The following PEX7 variants were observed in gnomAD, a reference collection of about 807,000 sequenced individuals.
The protein encoded by PEX7 is PTS2 receptor.
PEX7 carries 34 observed loss-of-function variants against 47.5 expected under a neutral mutation model. The observed-to-expected ratio is 0.72, with a 90% CI of 0.54 to 0.95. The LOEUF (loss-of-function observed/expected upper bound fraction) is 0.95. Among genes scored for constraint, PEX7 ranks in the 40% least tolerant of loss-of-function variants. The probability of loss-of-function intolerance (pLI) is 0.00; values close to 1 mark genes in which losing one functional copy is unlikely to be tolerated. For synonymous variants in PEX7, 141 were observed against 148.8 expected (o/e 0.95, Z 0.38); for missense variants, 394 against 400.3 (o/e 0.98, Z 0.13).
intron 3 of PEX7, among the ~76,000 whole-genome samples, chr6:136,837,859 C>G (rs1250656968): frequency 1.3e-5 from 2 of 151,504 alleles, no homozygotes; most frequent in Non-Finnish European, 2.9e-5. Context: ...CATGTATTTT[C>G]AGTCCTTACG....
intron 3 of PEX7, among the ~76,000 whole-genome samples, chr6:136,827,992 T>C (rs546030314): frequency 5.9e-5 from 9 of 152,166 alleles, no homozygotes; most frequent in Middle Eastern, 6.8e-3. Context: ...AATATTTTTC[T>C]TTTCAGAAGT....
In PEX7 at chr6:136,822,804, G is replaced by A. The variant is rs1184848577; in HGVS notation, c.130+9G>A. ...GCACTACGGCATCGCGGGTGAGGCG[G>A]CGCCGCGCAGCTGGGGCCGGGGGGC... is the stretch of plus-strand genomic sequence containing the variant. On this transcript the variant is annotated intron_variant, in intron 1 of 9. Coordinates refer to ENST00000318471, the MANE Select transcript of PEX7 (RefSeq NM_000288.4). 3 of 1,287,004 alleles carry A rather than the reference G, an allele frequency of 2.3e-6. No individual in the cohort carries two copies. The highest frequency in any genetic ancestry group is 2.5e-5 in the South Asian group (1 of 39,624). The allele number at this position is 1,287,004 out of a possible 1,614,324, so 79.7% of individuals were successfully genotyped here. A position where few individuals can be genotyped will look rare whatever the true frequency, so the allele number is the denominator to read the frequency against.
At chr6:136,913,374 T>A (rs1204318284) in intron 9 of PEX7, 84 bp from the exon 10 acceptor site, 5 of 904,348 alleles carry the variant, frequency 5.5e-6, no homozygotes, top group Non-Finnish European at 9.3e-6. Flanking sequence ...TTTACGACAC[T>A]CTAAATGACT....
chr6:136,822,818 G>C, intron 1 of PEX7, 23 bp downstream of exon 1: 1 of 1,238,492 alleles, frequency 8.1e-7, no homozygotes, highest in South Asian at 3.2e-5. Flanking sequence ...CGCGCAGCTG[G>C]GGCCGGGGGG....
chr6:136,822,912 C>G, intron 1 of PEX7, 117 bp downstream of exon 1: 1 of 1,214,464 alleles, frequency 8.2e-7, no homozygotes, highest in Non-Finnish European at 1.0e-6. Context: ...TTCCGCGGGT[C>G]CACGCCAGGG....
intron 6 of PEX7, among the ~76,000 whole-genome samples, chr6:136,869,214 C>G (rs1232715880): frequency 6.6e-6 from 1 of 151,842 alleles, no homozygotes; most frequent in Non-Finnish European, 1.5e-5. Flanking sequence ...AGTGAACCAC[C>G]GCACCCAGCC....
intron 1 of PEX7, chr6:136,823,130 C>G (rs1159398521): frequency 1.0e-6 from 1 of 985,336 alleles, no homozygotes; most frequent in Non-Finnish European, 1.2e-6. Context: ...GGAGCCTGCG[C>G]GGTCCCTTGG....
At chr6:136,881,529 T>G (rs1490743982) in intron 8 of PEX7, among the ~76,000 whole-genome samples, 1 of 152,188 alleles carries the variant, frequency 6.6e-6, no homozygotes, top group East Asian at 1.9e-4. Context: ...CTTAAATCCA[T>G]TTCAGTGCTT....
chr6:136,836,017 CTA>C (rs1172831702), intron 3 of PEX7, among the ~76,000 whole-genome samples: 1 of 152,232 alleles, frequency 6.6e-6, no homozygotes, highest in African/African-American at 2.4e-5. Flanking sequence ...GGTGTCAACA[CTA>C]TGCATGTCTC....
At chr6:136,822,927 G>A in intron 1 of PEX7, 132 bp downstream of exon 1, 1 of 1,210,320 alleles carries the variant, frequency 8.3e-7, no homozygotes, top group Non-Finnish European at 1.0e-6. Context: ...CCAGGGGGCA[G>A]AAGAGGCGCT....
chr6:136,826,493 T>C, intron 3 of PEX7, 24 bp downstream of exon 3: 1 of 1,613,788 alleles, frequency 6.2e-7, no homozygotes, highest in Non-Finnish European at 8.5e-7. Context: ...CTTTCTGGGC[T>C]GATTATTTTT....
At chr6:136,912,808 A>G (rs1468355815) in intron 9 of PEX7, among the ~76,000 whole-genome samples, 2 of 152,216 alleles carry the variant, frequency 1.3e-5, no homozygotes, top group African/African-American at 4.8e-5. Context: ...AGACATTGCT[A>G]TATTCACTAA....
intron 3 of PEX7, among the ~76,000 whole-genome samples, chr6:136,842,221 C>G (rs1033920325): frequency 1.3e-5 from 2 of 151,410 alleles, no homozygotes; most frequent in Non-Finnish European, 2.9e-5. Context: ...TCTTGAACTC[C>G]TGGCCTCAAG....
intron 8 of PEX7, among the ~76,000 whole-genome samples, chr6:136,887,924 G>A (rs1397416993): frequency 6.6e-6 from 1 of 151,984 alleles, no homozygotes. Flanking sequence ...AGCAGAGGAT[G>A]CAGAAATACC....
At chr6:136,822,843 G>GGGGCCA in intron 1 of PEX7, 48 bp downstream of exon 1, 1 of 1,119,092 alleles carries the variant, frequency 8.9e-7, no homozygotes, top group South Asian at 3.9e-5. Context: ...GGCGGAGGCG[G>GGGGCCA]GGGCCAGCCG....
At chr6:136,894,197 G>A (rs1196769717) in intron 8 of PEX7, among the ~76,000 whole-genome samples, 2 of 152,078 alleles carry the variant, frequency 1.3e-5, no homozygotes, top group East Asian at 1.9e-4. Context: ...GGTGTCTCAT[G>A]CCTGTAATCC....
chr6:136,880,378 T>G (rs987746867), intron 8 of PEX7, among the ~76,000 whole-genome samples: 2 of 152,156 alleles, frequency 1.3e-5, no homozygotes, highest in African/African-American at 2.4e-5. Context: ...TTATTATGCC[T>G]TTTTCCAGTA....
chr6:136,873,172 G>T (rs1037626072), intron 8 of PEX7, among the ~76,000 whole-genome samples: 1 of 152,104 alleles, frequency 6.6e-6, no homozygotes, highest in African/African-American at 2.4e-5. Context: ...ATTCAGAAAG[G>T]TTTCCAGGAT....
chr6:136,901,577 C>G (rs907589312), intron 9 of PEX7: 4 of 152,252 alleles, frequency 2.6e-5, no homozygotes, highest in Non-Finnish European at 5.9e-5. Flanking sequence ...TACAAGAGGG[C>G]AAGAGCAAAA....
Sources: gnomAD v4.1 joint callset for allele counts (sites outside exome capture counted in the v4.1 genomes callset) on GRCh38, gnomAD v4.1.1 for gene constraint, MANE v1.5 for transcripts, NCBI Gene and HGNC (gene_info 2026-07-23, HGNC 2026-07-21) for gene names.